MYO10: variants seen among roughly 807,000 people sequenced by gnomAD.
MYO10 encodes the protein unconventional myosin-X.
A neutral mutation model predicts 257.3 loss-of-function variants in MYO10; 133 were observed. The ratio of observed to expected loss-of-function variants is 0.52; its 90% CI spans 0.45 to 0.60. The LOEUF (loss-of-function observed/expected upper bound fraction) is 0.60, where lower values mean the gene tolerates loss of function less well. Among genes scored for constraint, MYO10 ranks in the 20% least tolerant of loss-of-function variants. The probability of loss-of-function intolerance (pLI) is 0.00; values close to 1 mark genes in which losing one functional copy is unlikely to be tolerated. For missense variants in MYO10, 2,399 were observed against 2,635.7 expected (o/e 0.91, Z 1.97); for synonymous variants, 1,104 against 1,028.6 (o/e 1.07, Z -1.40).
At chr5:16,722,442 TA>T (rs1167995794) in intron 19 of MYO10, among the ~76,000 whole-genome samples, 1 of 152,212 alleles carries the variant, frequency 6.6e-6, no homozygotes, top group East Asian at 1.9e-4. Flanking sequence ...CTGTTTCTAA[TA>T]TATTTGTTTA....
At chr5:16,880,001 A>G (rs1744713140) in intron 1 of MYO10, among the ~76,000 whole-genome samples, 2 of 152,056 alleles carry the variant, frequency 1.3e-5, no homozygotes, top group African/African-American at 4.8e-5. Context: ...AACGTGGTAA[A>G]ACCGCGTGTC....
At chr5:16,769,492 G>A (rs1214816944) in intron 9 of MYO10, among the ~76,000 whole-genome samples, 1 of 152,132 alleles carries the variant, frequency 6.6e-6, no homozygotes, top group Non-Finnish European at 1.5e-5. Flanking sequence ...GTGCCACCAT[G>A]CCTAGCTAAT....
At chr5:16,672,595 G>GA in intron 37 of MYO10, 94 bp downstream of exon 37, 1 of 1,465,410 alleles carries the variant, frequency 6.8e-7, no homozygotes, top group East Asian at 2.3e-5. Context: ...AATACAGCGT[G>GA]AAGCCACAAA....
At chr5:16,860,620 T>C (rs917870043) in intron 2 of MYO10, among the ~76,000 whole-genome samples, 3 of 152,074 alleles carry the variant, frequency 2.0e-5, no homozygotes, top group Non-Finnish European at 4.4e-5. Context: ...TGTCCTCCTC[T>C]AACAGAGTGT....
chr5:16,779,672 G>A, intron 8 of MYO10, 24 bp from the exon 9 acceptor site: 1 of 1,352,552 alleles, frequency 7.4e-7, no homozygotes, highest in Non-Finnish European at 1.0e-6. Flanking sequence ...AAAACATGAT[G>A]TCACAGTTCT....
intron 5 of MYO10, among the ~76,000 whole-genome samples, chr5:16,782,534 G>A (rs748472028): frequency 7.9e-5 from 12 of 152,172 alleles, no homozygotes; most frequent in Admixed American, 1.3e-4. Context: ...CCACTGCGCC[G>A]TACACTGAAA....
chr5:16,844,130 T>C (rs935050844), intron 2 of MYO10, among the ~76,000 whole-genome samples: 3 of 152,216 alleles, frequency 2.0e-5, no homozygotes, highest in African/African-American at 7.2e-5. Context: ...TGGGAGACTC[T>C]GTTTCATTTT....
In MYO10 at chr5:16,869,335, A is replaced by G. The variant is rs181967001; in HGVS notation, c.120+8274T>C. 7.0e-3 allele frequency among the ~76,000 whole-genome samples: 1,047 copies of G among 150,280 alleles called. 11 individuals carry two copies. The highest frequency in any genetic ancestry group is 0.024 in the African/African-American group (966 of 40,974). ...ATTACAGGCGTGCACCACCGTGCCC[A>G]GGCCTATTGCTTTCAAAGACTGAGT... On this transcript the variant is annotated intron_variant, in intron 2 of 40. Transcript: ENST00000513610.
chr5:16,785,081 G>A (rs1669420679), intron 4 of MYO10, among the ~76,000 whole-genome samples: 1 of 152,220 alleles, frequency 6.6e-6, no homozygotes, highest in Admixed American at 6.5e-5. Context: ...AACCTGTCTT[G>A]AAATCATAAA....
At chr5:16,691,698 CAAAAA>C (rs34616596) in intron 27 of MYO10, among the ~76,000 whole-genome samples, 16 of 134,174 alleles carry the variant, frequency 1.2e-4, no homozygotes, top group Non-Finnish European at 2.3e-4. Context: ...GACTCTGTAT[CAAAAA>C]AAAAAAAAAA....
At chr5:16,882,220 C>T (rs1016093616) in intron 1 of MYO10, among the ~76,000 whole-genome samples, 4 of 152,128 alleles carry the variant, frequency 2.6e-5, no homozygotes, top group African/African-American at 7.2e-5. Flanking sequence ...GTAAGGTTCA[C>T]AGAGGTTCCA....
At chr5:16,848,066 C>T (rs945258118) in intron 2 of MYO10, among the ~76,000 whole-genome samples, 4 of 151,406 alleles carry the variant, frequency 2.6e-5, no homozygotes, top group Admixed American at 6.6e-5. Context: ...CAGCAGTTCC[C>T]AAAGTGAATT....
chr5:16,680,177 C>T lies in MYO10; in HGVS notation c.4385-73G>A, dbSNP rs546048630. 1.7e-3 allele frequency: 2,563 copies of T among 1,521,240 alleles called. 7 individuals carry two copies. The highest frequency in any genetic ancestry group is 2.1e-3 in the Non-Finnish European group (2,314 of 1,122,130). 94.2% of individuals were successfully genotyped at this position (1,521,240 alleles called of 1,614,324 possible). On this transcript the variant is annotated intron_variant, in intron 32 of 40. Coordinates refer to ENST00000513610, the MANE Select transcript of MYO10 (RefSeq NM_012334.3). ...GGGACTGAGGCAATGCCTGTGTCCTCTCTGACCTCAGTCCCTTTAATTATT... is the reference window on the plus strand; with the variant it reads ...GGGACTGAGGCAATGCCTGTGTCCTTTCTGACCTCAGTCCCTTTAATTATT...
chr5:16,762,448 G>C, intron 15 of MYO10, 97 bp downstream of exon 15: 3 of 923,912 alleles, frequency 3.2e-6, no homozygotes, highest in Non-Finnish European at 5.0e-6. Flanking sequence ...CAATGTGGGA[G>C]GCACAGTTGG....
chr5:16,801,162 G>A (rs1386559483), intron 3 of MYO10, among the ~76,000 whole-genome samples: 1 of 152,110 alleles, frequency 6.6e-6, no homozygotes, highest in African/African-American at 2.4e-5. Context: ...TTGTTGGGTA[G>A]AGAAAGAGCA....
chr5:16,744,953 C>T (rs889809027), intron 19 of MYO10, among the ~76,000 whole-genome samples: 6 of 152,160 alleles, frequency 3.9e-5, no homozygotes, highest in African/African-American at 1.4e-4. Context: ...CTCCTATGAA[C>T]GAATATCTGA....
chr5:16,925,301 A>G (rs1198184334), intron 1 of MYO10, among the ~76,000 whole-genome samples: 1 of 152,256 alleles, frequency 6.6e-6, no homozygotes, highest in Non-Finnish European at 1.5e-5. Flanking sequence ...GAAAATATTT[A>G]AAAATCAGAA....
chr5:16,742,775 A>C (rs1439727213), intron 19 of MYO10, among the ~76,000 whole-genome samples: 1 of 149,928 alleles, frequency 6.7e-6, no homozygotes, highest in Non-Finnish European at 1.5e-5. Flanking sequence ...ACACCACTGC[A>C]CTCCAGCCTG....
intron 21 of MYO10, 118 bp from the exon 22 acceptor site, chr5:16,704,803 CA>C (rs1199707813): frequency 5.5e-6 from 4 of 731,190 alleles, no homozygotes; most frequent in Non-Finnish European, 7.0e-6. Context: ...TGATCCACCA[CA>C]TGGCCATGCT....
Sources: gnomAD v4.1 joint callset for allele counts (sites outside exome capture counted in the v4.1 genomes callset) on GRCh38, gnomAD v4.1.1 for gene constraint, MANE v1.5 for transcripts, NCBI Gene and HGNC (gene_info 2026-07-23, HGNC 2026-07-21) for gene names.